The following SIRPA variants were observed in gnomAD, a reference collection of about 807,000 sequenced individuals.
SIRPA encodes the protein signal regulatory protein alpha, also known as tyrosine-protein phosphatase non-receptor type substrate 1.
Under a neutral mutation model 50.3 loss-of-function variants are expected in SIRPA, and 9 were observed. That is an observed-to-expected ratio of 0.18 (90% CI 0.11 to 0.31). The LOEUF (loss-of-function observed/expected upper bound fraction) is 0.31, where lower values mean the gene tolerates loss of function less well. SIRPA is among the 10% of genes least tolerant of loss of function. SIRPA has a pLI of 1.00. For synonymous variants in SIRPA, 265 were observed against 284.1 expected (o/e 0.93, Z 0.68); for missense variants, 474 against 661.6 (o/e 0.72, Z 3.11).
intron 4 of SIRPA, among the ~76,000 whole-genome samples, 162 bp downstream of exon 4, chr20:1,922,807 T>G (rs564935429): frequency 4.1e-4 from 63 of 152,324 alleles, no homozygotes; most frequent in Middle Eastern, 6.8e-3. Flanking sequence ...AATCCCACAC[T>G]CCAAGAGTCA....
Position 1,912,371 on chromosome 20 carries a change from TC to T in SIRPA, c.80-2724del, listed in dbSNP as rs546650443. Among the ~76,000 whole-genome samples, 636 of 152,280 alleles carry T rather than the reference TC, an allele frequency of 4.2e-3. 3 individuals are homozygous for T. Among genetic ancestry groups the T allele is most frequent in the African/African-American group, 0.015 (612 of 41,568 alleles). Reference sequence around the variant, plus strand: ...AGTCCCGGGCTCCGGGCCTGCACCCTCCCCTGGATATGCCAGTATCAACTCC... The same window carrying T: ...AGTCCCGGGCTCCGGGCCTGCACCCTCCCTGGATATGCCAGTATCAACTCC... On this transcript the variant is annotated intron_variant, in intron 1 of 7. Coordinates refer to ENST00000358771, the MANE Select transcript of SIRPA (RefSeq NM_001040023.2).
rs1032337315 is a variant in SIRPA at position 1,898,793 on chromosome 20, C to G, written c.79+3267C>G. Among the ~76,000 whole-genome samples, 1 of 152,046 alleles carries G rather than the reference C, an allele frequency of 6.6e-6. No homozygotes were observed. Among genetic ancestry groups the G allele is most frequent in the African/African-American group, 2.4e-5 (1 of 41,400 alleles). On this transcript the variant is annotated intron_variant, in intron 1 of 7. Coordinates refer to ENST00000358771, the MANE Select transcript of SIRPA (RefSeq NM_001040023.2). This position sits in a 1 kb window ranked among gnomAD's most constrained non-coding sequence, Gnocchi z 4.3. Reference sequence around the variant, plus strand: ...TTTTGATGAAGTCACAGGCATTTCTCTGAAAGCCTGCTGAGGGTGGAAATA... The same window carrying G: ...TTTTGATGAAGTCACAGGCATTTCTGTGAAAGCCTGCTGAGGGTGGAAATA...
chr20:1,920,152 G>C (rs1985562019), intron 2 of SIRPA, among the ~76,000 whole-genome samples: 1 of 152,178 alleles, frequency 6.6e-6, no homozygotes, highest in Admixed American at 6.5e-5. Flanking sequence ...GATGGAGTGA[G>C]GATTAAAGAG....
rs570952541 is a variant in SIRPA at position 1,899,864 on chromosome 20, G to A, written c.79+4338G>A. ...TATTGCAAGGATTAAGTTAATTAAT[G>A]CGTGTATAATGCTGGAAGCCATGCC... On this transcript the variant is annotated intron_variant, in intron 1 of 7. Transcript: ENST00000358771. Among the ~76,000 whole-genome samples the A allele has an allele frequency of 1.1e-4, 17 of 152,350 alleles. No individual in the cohort carries two copies. The South Asian group carries it at 3.3e-3, about 30-fold the overall frequency.
chr20:1,902,992 A>G (rs556429528), intron 1 of SIRPA, among the ~76,000 whole-genome samples: 1 of 145,630 alleles, frequency 6.9e-6, no homozygotes, highest in East Asian at 2.1e-4. Context: ...CGCCTGGGTG[A>G]CAGAGCAAGA....
chr20:1,899,690 T>C (rs576859199), intron 1 of SIRPA, among the ~76,000 whole-genome samples: 6 of 152,176 alleles, frequency 3.9e-5, no homozygotes, highest in Non-Finnish European at 8.8e-5. Flanking sequence ...CAGAGGAGCC[T>C]CTCCACGCAG....
chr20:1,916,624 AT>A (rs1426284280), intron 2 of SIRPA, among the ~76,000 whole-genome samples: 1 of 152,250 alleles, frequency 6.6e-6, no homozygotes, highest in East Asian at 1.9e-4. Context: ...AAGCCATATC[AT>A]TTGATACTGA....
intron 1 of SIRPA, among the ~76,000 whole-genome samples, chr20:1,899,658 A>G (rs1475433720): frequency 2.0e-5 from 3 of 152,126 alleles, no homozygotes; most frequent in Middle Eastern, 6.8e-3. Context: ...GGTTCAATTT[A>G]ATGTGCCTCC....
intron 2 of SIRPA, among the ~76,000 whole-genome samples, chr20:1,919,922 CT>C (rs1985543090): frequency 6.6e-6 from 1 of 152,228 alleles, no homozygotes. Flanking sequence ...CTGCTTTGTT[CT>C]GCTGCCTGAA....
At chr20:1,904,063 A>G (rs1984397153) in intron 1 of SIRPA, among the ~76,000 whole-genome samples, 1 of 152,128 alleles carries the variant, frequency 6.6e-6, no homozygotes, top group Non-Finnish European at 1.5e-5. Flanking sequence ...TTTAAAGAGG[A>G]GGCTTGGAGT....
At position 1,927,908 on chromosome 20, in the gene SIRPA, A is replaced by G. The variant is rs780126597; in HGVS notation, c.1226+9A>G. On this transcript the variant is annotated intron_variant, in intron 6 of 7. Transcript: ENST00000358771. This position sits in a 1 kb window ranked among gnomAD's most constrained non-coding sequence, Gnocchi z 6.5. ...TCCACTTCTTCTACAAGGTAAGTGC[A>G]TCATTGGTCCAGACCCTCTTGCAGT... 3 of 1,612,992 alleles carry G rather than the reference A, an allele frequency of 1.9e-6. No individual in the cohort carries two copies. The highest frequency in any genetic ancestry group is 1.3e-5 in the African/African-American group (1 of 75,024).
chr20:1,895,546 C>T lies in SIRPA; in HGVS notation c.79+20C>T. On this transcript the variant is annotated intron_variant, in intron 1 of 7. Transcript: ENST00000358771. ...GGTCAGGTAAGCACCCCCCCGCTCC[C>T]CACCGCTGCACTCCCCAAACTGCGG... 1.4e-6 allele frequency: 2 copies of T among 1,430,290 alleles called. No individual in the cohort carries two copies. Among genetic ancestry groups the T allele is most frequent in the Non-Finnish European group, 1.8e-6 (2 of 1,092,556 alleles). 88.6% of individuals were successfully genotyped at this position (1,430,290 alleles called of 1,614,324 possible).
intron 1 of SIRPA, among the ~76,000 whole-genome samples, chr20:1,910,181 T>C (rs145941238): frequency 2.4e-3 from 364 of 152,248 alleles, no homozygotes; most frequent in African/African-American, 8.4e-3. Flanking sequence ...ACACAGCCAT[T>C]TCACAGCCCT....
chr20:1,937,534 C>A lies in SIRPA; in HGVS notation c.1481C>A (p.Ser494Ter). 1 of 1,614,182 alleles carries A rather than the reference C, an allele frequency of 6.2e-7. No individual in the cohort carries two copies. The highest frequency in any genetic ancestry group is 8.5e-7 in the Non-Finnish European group (1 of 1,180,034). The change falls in exon 8 of 8, where the codon TCA (serine) becomes TAA (stop). Residue 494 changes from serine to a stop codon, truncating the protein, a stop_gained. Coordinates refer to ENST00000358771, the MANE Select transcript of SIRPA (RefSeq NM_001040023.2). LOFTEE classifies it high-confidence loss of function. This position sits in a 1 kb window ranked among gnomAD's most constrained non-coding sequence, Gnocchi z 8.3. Reference protein sequence around the residue: ...QPAPKPEPSFSEYASVQVPRK With the variant: ...QPAPKPEPSF ...GCCCCCAAGCCTGAGCCGTCCTTCT[C>A]AGAGTACGCCAGCGTCCAGGTCCCG...
chr20:1,921,145 T>C (rs546030859), intron 2 of SIRPA, among the ~76,000 whole-genome samples: 8 of 152,156 alleles, frequency 5.3e-5, no homozygotes, highest in Non-Finnish European at 1.0e-4. Flanking sequence ...AGTGGAGAAG[T>C]TTGAACTCAG....
chr20:1,934,840 A>AT lies in SIRPA; in HGVS notation c.1266+88dup. 10 of 1,434,586 alleles carry AT rather than the reference A, an allele frequency of 7.0e-6. No homozygotes were observed. The highest frequency in any genetic ancestry group is 9.8e-6 in the Non-Finnish European group (10 of 1,016,960). 88.9% of individuals were successfully genotyped at this position (1,434,586 alleles called of 1,614,324 possible). A position where few individuals can be genotyped will look rare whatever the true frequency, so the allele number is the denominator to read the frequency against. On this transcript the variant is annotated intron_variant, in intron 7 of 7. Coordinates refer to ENST00000358771, the MANE Select transcript of SIRPA (RefSeq NM_001040023.2). The surrounding 1 kb of genome is among the most constrained non-coding windows in gnomAD (Gnocchi z 4.6). The stretch of plus-strand genomic sequence containing the variant: ...ACCGGAATTGCAGATCTGGTTCTAA[A>AT]TTAAGACTCCTTGTGGGGTGGAGGG...
chr20:1,895,283 C>CACG (rs970837222), upstream of SIRPA: 12 of 440,930 alleles, frequency 2.7e-5, no homozygotes, highest in Non-Finnish European at 4.7e-5. Flanking sequence ...CTCCAAAAAC[C>CACG]GCGGCGGCGG....
In SIRPA at chr20:1,940,350, G is replaced by A. The variant is rs926167491; in HGVS notation, c.*2782G>A. The stretch of plus-strand genomic sequence containing the variant: ...CTGACCCTGCATAGCTGAGTCTCGT[G>A]GCCTCTCACCACTGATGGGATCTCG... On this transcript the variant is annotated 3_prime_UTR_variant, in exon 8 of 8. Coordinates refer to ENST00000358771, the MANE Select transcript of SIRPA (RefSeq NM_001040023.2). 17 of 152,316 alleles carry A rather than the reference G, an allele frequency of 1.1e-4. No individual in the cohort carries two copies. Among genetic ancestry groups the A allele is most frequent in the African/African-American group, 3.9e-4 (16 of 41,552 alleles). The allele number at this position is 152,316 out of a possible 1,614,324, so 9.4% of individuals were successfully genotyped here. A position where few individuals can be genotyped will look rare whatever the true frequency, so the allele number is the denominator to read the frequency against.
intron 4 of SIRPA, 91 bp downstream of exon 4, chr20:1,922,736 T>C: frequency 7.4e-7 from 1 of 1,344,786 alleles, no homozygotes; most frequent in East Asian, 2.5e-5. Flanking sequence ...ATGCTTATTA[T>C]AGAACAATCT....
Sources: gnomAD v4.1 joint callset for allele counts (sites outside exome capture counted in the v4.1 genomes callset) on GRCh38, gnomAD v4.1.1 for gene constraint, Gnocchi (gnomAD v3.1) non-coding constraint, MANE v1.5 for transcripts, NCBI Gene and HGNC (gene_info 2026-07-23, HGNC 2026-07-21) for gene names.